NDUFA12: variants seen among roughly 807,000 people sequenced by gnomAD.
NDUFA12 encodes the protein NADH dehydrogenase [ubiquinone] 1 alpha subcomplex subunit 12.
NDUFA12 carries 17 observed loss-of-function variants against 20.3 expected under a neutral mutation model. The observed-to-expected ratio is 0.84, with a 90% confidence interval of 0.57 to 1.26. The LOEUF is 1.26. Among genes scored for constraint, NDUFA12 ranks in the 50% most tolerant of loss-of-function variants. The pLI, the probability that NDUFA12 is intolerant of heterozygous loss-of-function variation, is 0.00. For missense variants in NDUFA12, 191 were observed against 183.7 expected (o/e 1.04, Z -0.23); for synonymous variants, 72 against 63.6 (o/e 1.13, Z -0.63).
intron 3 of NDUFA12, among the ~76,000 whole-genome samples, chr12:94,984,064 A>T (rs1176493853): frequency 6.6e-6 from 1 of 151,998 alleles, no homozygotes; most frequent in Non-Finnish European, 1.5e-5. Context: ...GGGGGATGAG[A>T]GGGCAGCAAT....
At chr12:94,985,007 A>AATAAG (rs1874376057) in intron 3 of NDUFA12, among the ~76,000 whole-genome samples, 1 of 147,258 alleles carries the variant, frequency 6.8e-6, no homozygotes, top group African/African-American at 2.5e-5. Context: ...CATAACATAA[A>AATAAG]ATAAGATAAA....
Position 95,002,825 on chromosome 12 carries a change from T to C in NDUFA12, c.87-4A>G. On this transcript the variant is annotated splice_region_variant and splice_polypyrimidine_tract_variant and intron_variant, in intron 1 of 3. Transcript: ENST00000327772. ...ACCAACCTTCGCATCATTTGTCCTG[T>C]GAATACCCAAAAGAAAACAGACATT... 4 of 1,609,790 alleles carry C rather than the reference T, an allele frequency of 2.5e-6. No individual in the cohort carries two copies. Among genetic ancestry groups the C allele is most frequent in the Non-Finnish European group, 3.4e-6 (4 of 1,176,162 alleles).
chr12:94,988,027 C>T (rs1470701378), intron 3 of NDUFA12, among the ~76,000 whole-genome samples: 3 of 152,156 alleles, frequency 2.0e-5, no homozygotes, highest in African/African-American at 7.2e-5. Flanking sequence ...AATTAACCTA[C>T]TCAAGCCCAA....
chr12:94,984,793 C>T (rs1234485269), intron 3 of NDUFA12, among the ~76,000 whole-genome samples: 1 of 139,968 alleles, frequency 7.1e-6, no homozygotes, highest in Non-Finnish European at 1.5e-5. Flanking sequence ...TCCTGGCCAA[C>T]ATGGTGAAAC....
intron 3 of NDUFA12, among the ~76,000 whole-genome samples, chr12:94,982,846 A>G (rs1290222196): frequency 1.3e-5 from 2 of 152,164 alleles, no homozygotes; most frequent in Non-Finnish European, 2.9e-5. Flanking sequence ...TACTGTTAAA[A>G]CAATTTTATC....
chr12:94,995,465 C>G (rs1161398542), intron 2 of NDUFA12, among the ~76,000 whole-genome samples: 2 of 152,166 alleles, frequency 1.3e-5, no homozygotes, highest in African/African-American at 4.8e-5. Flanking sequence ...CTGTCTGTCT[C>G]TCTCTCTGTA....
intron 3 of NDUFA12, among the ~76,000 whole-genome samples, chr12:94,992,273 C>T (rs543421404): frequency 4.6e-5 from 7 of 152,226 alleles, no homozygotes; most frequent in African/African-American, 1.2e-4. Context: ...TCAAAATATG[C>T]GTATTATAAA....
intron 3 of NDUFA12, among the ~76,000 whole-genome samples, chr12:94,984,942 C>A (rs1874371132): frequency 6.9e-6 from 1 of 145,340 alleles, no homozygotes; most frequent in Non-Finnish European, 1.5e-5. Context: ...CGCACCACTG[C>A]ACTCCAGCCT....
intron 3 of NDUFA12, among the ~76,000 whole-genome samples, chr12:94,988,743 G>A (rs1015253975): frequency 5.9e-5 from 9 of 152,252 alleles, no homozygotes; most frequent in African/African-American, 1.9e-4. Context: ...GACACTTCCT[G>A]TTTACAGGAG....
At chr12:94,993,694 G>T (rs1390054071) in intron 3 of NDUFA12, among the ~76,000 whole-genome samples, 1 of 131,756 alleles carries the variant, frequency 7.6e-6, no homozygotes, top group East Asian at 2.4e-4. Context: ...CAGCACTTTG[G>T]GAGGCCGAGG....
chr12:94,995,451 C>G (rs558782677), intron 2 of NDUFA12, among the ~76,000 whole-genome samples: 1 of 152,286 alleles, frequency 6.6e-6, no homozygotes, highest in Admixed American at 6.5e-5. Context: ...ATCTCTCTCT[C>G]TCTCTGTCTG....
intron 3 of NDUFA12, among the ~76,000 whole-genome samples, chr12:94,978,265 T>A (rs1025892533): frequency 6.6e-6 from 1 of 152,240 alleles, no homozygotes; most frequent in African/African-American, 2.4e-5. Flanking sequence ...GCTAGTGCAC[T>A]GCAAGAATGT....
chr12:95,002,655 A>C, intron 2 of NDUFA12, 84 bp downstream of exon 2: 1 of 973,074 alleles, frequency 1.0e-6, no homozygotes, highest in Non-Finnish European at 1.7e-6. Flanking sequence ...GTTTTGTAAA[A>C]GCTCATTGCA....
intron 3 of NDUFA12, among the ~76,000 whole-genome samples, chr12:94,991,059 G>A (rs1256126435): frequency 2.6e-5 from 4 of 152,088 alleles, no homozygotes; most frequent in African/African-American, 9.7e-5. Flanking sequence ...AGAGGTTGGC[G>A]AATCATTTGA....
At chr12:94,993,836 A>C (rs547627320) in intron 3 of NDUFA12, among the ~76,000 whole-genome samples, 26 of 152,104 alleles carry the variant, frequency 1.7e-4, no homozygotes, top group Non-Finnish European at 3.1e-4. Context: ...CGGGAGGCTA[A>C]GACAGGAGAA....
chr12:94,973,394 G>A (rs1341001789), intron 3 of NDUFA12, among the ~76,000 whole-genome samples: 1 of 152,188 alleles, frequency 6.6e-6, no homozygotes, highest in Non-Finnish European at 1.5e-5. Context: ...GAGCACACGA[G>A]CGCTGAAGCC....
chr12:94,985,391 G>A (rs1018394292), intron 3 of NDUFA12, among the ~76,000 whole-genome samples: 3 of 151,434 alleles, frequency 2.0e-5, no homozygotes, highest in Admixed American at 6.6e-5. Flanking sequence ...TTGGGAGGCC[G>A]AGGTGGGTGG....
rs1345334127 is a variant in NDUFA12, at chr12:94,996,794, G to A, written c.170-2537C>T. The stretch of plus-strand genomic sequence containing the variant: ...AGATCGTGCCATGGCACTCCAGCCT[G>A]GGCAACAAGAGCAAAACTCTGTCTC... On this transcript the variant is annotated intron_variant, in intron 2 of 3. Coordinates refer to ENST00000327772, the MANE Select transcript of NDUFA12 (RefSeq NM_018838.5). The A allele has an allele frequency of 2.0e-5, 4 of 195,444 alleles. No individual in the cohort carries two copies. The South Asian group carries it at 2.9e-4, about 14-fold the overall frequency. The allele number at this position is 195,444 out of a possible 1,614,324, so 12.1% of individuals were successfully genotyped here.
intron 2 of NDUFA12, 43 bp downstream of exon 2, chr12:95,002,690 AAATCCC>A (rs1164156593): frequency 1.4e-6 from 2 of 1,384,504 alleles, no homozygotes; most frequent in African/African-American, 2.8e-5. Context: ...GACTCAAATC[AAATCCC>A]AATCCCAATC....
Sources: allele counts gnomAD v4.1 joint callset (sites outside exome capture counted in the v4.1 genomes callset), GRCh38; gene constraint gnomAD v4.1.1; transcripts MANE v1.5; gene names NCBI Gene and HGNC (gene_info 2026-07-23, HGNC 2026-07-21).